RAB11FIP4: variants seen among roughly 807,000 people sequenced by gnomAD.
The protein encoded by RAB11FIP4 is rab11 family-interacting protein 4.
RAB11FIP4 carries 23 observed loss-of-function variants against 74.3 expected under a neutral mutation model. The ratio of observed to expected loss-of-function variants is 0.31; its 90% CI spans 0.22 to 0.44. The LOEUF (loss-of-function observed/expected upper bound fraction) is 0.44. RAB11FIP4 is among the 20% of genes least tolerant of loss of function. The pLI is 1.00. For missense variants in RAB11FIP4, 630 were observed against 863.9 expected (o/e 0.73, Z 3.39); for synonymous variants, 360 against 359.9 (o/e 1.00, Z 0.00).
At chr17:31,455,301 T>C (rs1220478042) in intron 3 of RAB11FIP4, among the ~76,000 whole-genome samples, 1 of 152,134 alleles carries the variant, frequency 6.6e-6, no homozygotes, top group African/African-American at 2.4e-5. Flanking sequence ...GTGTGTTAGA[T>C]TGGGGGTGGT....
At chr17:31,470,374 C>A (rs1422935844) in intron 3 of RAB11FIP4, among the ~76,000 whole-genome samples, 1 of 152,208 alleles carries the variant, frequency 6.6e-6, no homozygotes, top group Non-Finnish European at 1.5e-5. Context: ...GTGATTGATG[C>A]TCTGCTACTT....
chr17:31,516,313 C>G (rs1005276734), intron 3 of RAB11FIP4, among the ~76,000 whole-genome samples: 1 of 151,386 alleles, frequency 6.6e-6, no homozygotes, highest in African/African-American at 2.4e-5. Context: ...GCCCTTACAC[C>G]GTGCACCAAG....
rs115809945 is a variant in RAB11FIP4 at position 31,452,656 on chromosome 17, A to G, written c.336+18534A>G. On this transcript the variant is annotated intron_variant, in intron 3 of 14. Coordinates refer to ENST00000621161, the MANE Select transcript of RAB11FIP4 (RefSeq NM_032932.6). ...GCCATGGGACCACGCGGAAAGAGCC[A>G]GAGGGGTCCCTTCATTGCCTCCTCT... Among the ~76,000 whole-genome samples, 1,079 of 152,278 alleles carry G rather than the reference A, an allele frequency of 7.1e-3. 18 individuals are homozygous for G. Among genetic ancestry groups the G allele is most frequent in the African/African-American group, 0.025 (1,041 of 41,548 alleles).
At chr17:31,483,156 G>A (rs2071866175) in intron 3 of RAB11FIP4, among the ~76,000 whole-genome samples, 1 of 126,092 alleles carries the variant, frequency 7.9e-6, no homozygotes, top group African/African-American at 3.1e-5. Context: ...TCATGCCATT[G>A]CATTCCAGCC....
At chr17:31,440,696 GA>G (rs760827682) in intron 3 of RAB11FIP4, among the ~76,000 whole-genome samples, 22 of 152,324 alleles carry the variant, frequency 1.4e-4, no homozygotes, top group Non-Finnish European at 2.5e-4. Flanking sequence ...TTGAACCCGG[GA>G]GGCGGAGGTT....
At position 31,528,046 on chromosome 17, in the gene RAB11FIP4, TTG is replaced by T. The variant is rs540413594; in HGVS notation, c.1356+127_1356+128del. 2.4e-4 allele frequency: 174 copies of T among 735,300 alleles called. No individual in the cohort carries two copies. In the African/African-American group the frequency reaches 2.8e-3, roughly 12 times the overall value. The allele number at this position is 735,300 out of a possible 1,614,324, so 45.5% of individuals were successfully genotyped here. A position where few individuals can be genotyped will look rare whatever the true frequency, so the allele number is the denominator to read the frequency against. On this transcript the variant is annotated intron_variant, in intron 11 of 14. Coordinates refer to ENST00000621161, the MANE Select transcript of RAB11FIP4 (RefSeq NM_032932.6). ...AAATGCAAAAAAAGTGAATAACAAC[TTG>T]TGTTTCTGTATTTCTGATTTTCCAA...
intron 1 of RAB11FIP4, among the ~76,000 whole-genome samples, chr17:31,429,465 A>C (rs141131955): frequency 5.1e-4 from 77 of 152,314 alleles, no homozygotes; most frequent in Middle Eastern, 3.4e-3. Flanking sequence ...AAGGCTTTGC[A>C]ATCTAGGATT....
intron 10 of RAB11FIP4, chr17:31,525,552 A>C: frequency 6.0e-6 from 2 of 331,026 alleles, no homozygotes; most frequent in Non-Finnish European, 1.1e-5. Context: ...TTCTCCCCTG[A>C]CCCCTGGTGG....
At chr17:31,489,574 T>C (rs927606639) in intron 3 of RAB11FIP4, among the ~76,000 whole-genome samples, 4 of 152,176 alleles carry the variant, frequency 2.6e-5, no homozygotes, top group African/African-American at 9.7e-5. Context: ...TTGATTATGT[T>C]CCCAGGGAAC....
chr17:31,535,715 T>G lies in RAB11FIP4; in HGVS notation c.*3983T>G, dbSNP rs1383068873. ...AGACCAGAGTGGGTGGGCAGGACCT[T>G]GGCCTGGTGCCCCTGGAATCAGTGG... On this transcript the variant is annotated 3_prime_UTR_variant, in exon 15 of 15. Coordinates refer to ENST00000621161, the MANE Select transcript of RAB11FIP4 (RefSeq NM_032932.6). 6.6e-6 allele frequency: 1 copy of G among 152,358 alleles called. No homozygotes were observed. The highest frequency in any genetic ancestry group is 1.5e-5 in the Non-Finnish European group (1 of 68,192). The allele number at this position is 152,358 out of a possible 1,614,324, so 9.4% of individuals were successfully genotyped here.
chr17:31,528,560 C>T lies in RAB11FIP4; in HGVS notation c.1494+17C>T. The T allele has an allele frequency of 6.2e-7, 1 of 1,613,524 alleles. No homozygotes were observed. ...ACGCAGGAGGTAGGTCCCAGGCCAG[C>T]AGGCACCAGGGCTCCTTCCAGCATC... is the stretch of plus-strand genomic sequence containing the variant. On this transcript the variant is annotated intron_variant, in intron 12 of 14. Transcript: ENST00000621161.
chr17:31,414,918 C>T (rs532926874), intron 1 of RAB11FIP4, among the ~76,000 whole-genome samples: 1 of 152,332 alleles, frequency 6.6e-6, no homozygotes, highest in African/African-American at 2.4e-5. Context: ...TAGGGCAGCT[C>T]CAGGGCTGGT....
chr17:31,458,843 A>G (rs2071606385), intron 3 of RAB11FIP4, among the ~76,000 whole-genome samples: 1 of 152,166 alleles, frequency 6.6e-6, no homozygotes, highest in Non-Finnish European at 1.5e-5. Flanking sequence ...CCAGGAGAAA[A>G]CAGAATGTGG....
At chr17:31,506,583 T>G (rs1420747177) in intron 3 of RAB11FIP4, among the ~76,000 whole-genome samples, 3 of 152,202 alleles carry the variant, frequency 2.0e-5, no homozygotes. Context: ...CCATTCTACT[T>G]TCTACTTCTA....
At chr17:31,416,652 C>G (rs1373230906) in intron 1 of RAB11FIP4, among the ~76,000 whole-genome samples, 1 of 152,162 alleles carries the variant, frequency 6.6e-6, no homozygotes, top group African/African-American at 2.4e-5. Context: ...CCTGAAGCCC[C>G]AGGAGAGGGC....
intron 3 of RAB11FIP4, among the ~76,000 whole-genome samples, chr17:31,442,853 G>T (rs1490479979): frequency 2.0e-5 from 3 of 152,026 alleles, no homozygotes; most frequent in South Asian, 2.1e-4. Context: ...CCAGCCTCTC[G>T]GGAGGCTGAG....
chr17:31,511,268 C>T (rs1176725326), intron 3 of RAB11FIP4, among the ~76,000 whole-genome samples: 1 of 152,210 alleles, frequency 6.6e-6, no homozygotes, highest in Non-Finnish European at 1.5e-5. Context: ...CACCCCGCGC[C>T]TCCTTTTGCC....
At chr17:31,427,623 T>C (rs116179633) in intron 1 of RAB11FIP4, among the ~76,000 whole-genome samples, 4,348 of 152,310 alleles carry the variant, frequency 0.029, 229 homozygotes, top group African/African-American at 0.1. Flanking sequence ...CAGCACTCTG[T>C]GGCCGACTCC....
chr17:31,453,876 C>T (rs2071551793), intron 3 of RAB11FIP4, among the ~76,000 whole-genome samples: 1 of 151,650 alleles, frequency 6.6e-6, no homozygotes, highest in Non-Finnish European at 1.5e-5. Context: ...TGGCATTTCT[C>T]AACTCACAAT....
Sources: allele counts gnomAD v4.1 joint callset (sites outside exome capture counted in the v4.1 genomes callset), GRCh38; gene constraint gnomAD v4.1.1; transcripts MANE v1.5; gene names NCBI Gene and HGNC (gene_info 2026-07-23, HGNC 2026-07-21).